The following KIF13B variants were observed in gnomAD, a reference collection of about 807,000 sequenced individuals.
KIF13B encodes kinesin-like protein KIF13B.
In KIF13B, 127 loss-of-function variants were observed where a neutral mutation model predicts 222.0. The ratio of observed to expected loss-of-function variants is 0.57; its 90% CI spans 0.50 to 0.66. The LOEUF (loss-of-function observed/expected upper bound fraction) is 0.66, where lower values mean the gene tolerates loss of function less well. Ranked by LOEUF, KIF13B falls within the 30% of genes least tolerant of loss-of-function variation. The pLI is 0.00. For synonymous variants in KIF13B, 976 were observed against 919.0 expected (o/e 1.06, Z -1.12); for missense variants, 2,173 against 2,379.0 (o/e 0.91, Z 1.80).
rs1234840182 is a variant in KIF13B, at chr8:29,140,481, T to C, written c.2471A>G (p.Asn824Ser). 5 of 1,613,480 alleles carry C rather than the reference T, an allele frequency of 3.1e-6. No individual in the cohort carries two copies. Among genetic ancestry groups the C allele is most frequent in the East Asian group, 4.5e-5 (2 of 44,892 alleles). Residue 824 changes from asparagine (N) to serine (S), a missense_variant, in exon 20 of 40, where the codon AAC becomes AGC. Physicochemically the swap from Asn to Ser is conservative, Grantham distance 46. This residue lies in a region of KIF13B where 1,480 missense variants were observed against 1,722.8 expected (regional missense o/e 0.86). Transcript: ENST00000524189. ...GAGAAAACCAACCTCTCCTTTCTGG[T>C]TGATGATGGGAACAGCGTATTGTAA... ...VKLQYAVPII[N>S]QKGEVAGRLH... is the part of the protein sequence containing the mutation.
chr8:29,253,985 G>A (rs1446646824), intron 1 of KIF13B, among the ~76,000 whole-genome samples: 1 of 152,096 alleles, frequency 6.6e-6, no homozygotes, highest in African/African-American at 2.4e-5. Context: ...ACTTACATAA[G>A]GAAAGACATA....
intron 2 of KIF13B, among the ~76,000 whole-genome samples, chr8:29,201,375 C>T (rs1390350717): frequency 3.9e-5 from 6 of 152,140 alleles, no homozygotes; most frequent in Admixed American, 3.3e-4. Context: ...TCACATCATA[C>T]AAAGAAATCA....
chr8:29,116,872 C>G lies in KIF13B; in HGVS notation c.3796G>C (p.Val1266Leu). 6.3e-7 allele frequency: 1 copy of G among 1,599,136 alleles called. No individual in the cohort carries two copies. The highest frequency in any genetic ancestry group is 2.3e-5 in the East Asian group (1 of 43,690). Residue 1266 changes from valine to leucine, a missense_variant, in exon 31 of 40, where the codon GTG (valine) becomes CTG (leucine). By Grantham distance (32) the Val-to-Leu change is conservative (BLOSUM62 1). Coordinates refer to ENST00000524189, the MANE Select transcript of KIF13B (RefSeq NM_015254.4). ...QLSHPADMQLVLRKRICVNVH... is the reference protein window; with the variant it reads ...QLSHPADMQLLLRKRICVNVH... Reference sequence around the variant, plus strand: ...TTGACACAGATTCTCTTGCGTAACACCAGTTGCATGTCAGCAGGGTGGCTG... The same window carrying G: ...TTGACACAGATTCTCTTGCGTAACAGCAGTTGCATGTCAGCAGGGTGGCTG...
chr8:29,181,269 C>T (rs978025692), intron 7 of KIF13B, among the ~76,000 whole-genome samples: 27 of 152,254 alleles, frequency 1.8e-4, no homozygotes, highest in African/African-American at 6.5e-4. Context: ...TTGGGGCCAC[C>T]ATACCAGCCC....
intron 35 of KIF13B, among the ~76,000 whole-genome samples, chr8:29,105,407 G>A (rs1252827115): frequency 6.6e-6 from 1 of 152,158 alleles, no homozygotes; most frequent in Non-Finnish European, 1.5e-5. Flanking sequence ...GTGGACCTCA[G>A]TGTCATCCTT....
Position 29,071,513 on chromosome 8 carries a change from C to T in KIF13B, c.5218+107G>A, listed in dbSNP as rs370765534. On this transcript the variant is annotated intron_variant, in intron 39 of 39. Coordinates refer to ENST00000524189, the MANE Select transcript of KIF13B (RefSeq NM_015254.4). The surrounding 1 kb of genome is among the most constrained non-coding windows in gnomAD (Gnocchi z 4.9). ...CAGCTTCAGCCAAGCCGCTGCCTCC[C>T]GGCCCCTCCCTCTCCTGCCCGGACC... 1.9e-3 allele frequency: 2,032 copies of T among 1,042,712 alleles called. 35 individuals are homozygous for T. The highest frequency in any genetic ancestry group is 0.019 in the South Asian group (1,370 of 71,150). The allele number at this position is 1,042,712 out of a possible 1,614,324, so 64.6% of individuals were successfully genotyped here.
intron 1 of KIF13B, among the ~76,000 whole-genome samples, chr8:29,251,148 C>A (rs1049044239): frequency 6.6e-6 from 1 of 151,438 alleles, no homozygotes; most frequent in African/African-American, 2.4e-5. Context: ...GAGACCCTGT[C>A]TGGAAGAAAA....
At chr8:29,140,683 G>A in intron 19 of KIF13B, 66 bp from the exon 20 acceptor site, 1 of 1,345,364 alleles carries the variant, frequency 7.4e-7, no homozygotes, top group Non-Finnish European at 1.0e-6. Context: ...TCAACCTACT[G>A]CTTTTTGATG....
chr8:29,167,248 T>A (rs147167164), intron 11 of KIF13B, 125 bp downstream of exon 11: 4 of 661,622 alleles, frequency 6.0e-6, no homozygotes, highest in Non-Finnish European at 5.3e-6. Flanking sequence ...AAAGTTCTCT[T>A]GCTGTAAGAA....
chr8:29,249,071 T>C (rs1230665151), intron 1 of KIF13B, among the ~76,000 whole-genome samples: 1 of 152,154 alleles, frequency 6.6e-6, no homozygotes, highest in Non-Finnish European at 1.5e-5. Context: ...CTCATATTCT[T>C]ATATTCTTAT....
In KIF13B at chr8:29,228,472, A is replaced by AAAATATATAGATATATAT; in HGVS notation, c.149+16873_149+16874insATATATATCTATATATTT. On this transcript the variant is annotated intron_variant, in intron 2 of 39. Coordinates refer to ENST00000524189, the MANE Select transcript of KIF13B (RefSeq NM_015254.4). ...ACAGAGCCAGACTCCATCTTAAAAA[A>AAAATATATAGATATATAT]ATATATATATATATATATGAGATAC... Among the ~76,000 whole-genome samples, 3 of 117,086 alleles carry AAAATATATAGATATATAT rather than the reference A, an allele frequency of 2.6e-5. 1 individual carries two copies. The highest frequency in any genetic ancestry group is 5.3e-5 in the Non-Finnish European group (3 of 56,656). 76.8% of individuals were successfully genotyped at this position (117,086 alleles called of 152,430 possible).
intron 37 of KIF13B, among the ~76,000 whole-genome samples, chr8:29,076,742 G>A (rs1315128126): frequency 3.3e-5 from 5 of 152,334 alleles, no homozygotes. Flanking sequence ...AAGGTAAGGG[G>A]GCACTGGCAG....
In KIF13B at chr8:29,118,932, G is replaced by T; in HGVS notation, c.3596C>A (p.Thr1199Asn). Residue 1199 changes from threonine to asparagine, a missense_variant, in exon 30 of 40, where the codon ACC becomes AAC. By Grantham distance (65) the Thr-to-Asn change is moderately conservative. This residue lies in a region of KIF13B where 1,480 missense variants were observed against 1,722.8 expected (regional missense o/e 0.86). Transcript: ENST00000524189. ...DDPEAGGWDATLTGEEEEEFF... is the reference protein window; with the variant it reads ...DDPEAGGWDANLTGEEEEEFF... ...CTCCTCTTCTTCTTCCCCAGTCAAG[G>T]TCGCATCCCATCCACCAGCTTCTGG... 6.2e-7 allele frequency: 1 copy of T among 1,613,836 alleles called. No homozygotes were observed. The highest frequency in any genetic ancestry group is 8.5e-7 in the Non-Finnish European group (1 of 1,179,814).
At chr8:29,261,704 C>T (rs764510779) in intron 1 of KIF13B, among the ~76,000 whole-genome samples, 19 of 152,056 alleles carry the variant, frequency 1.2e-4, no homozygotes, top group Non-Finnish European at 2.5e-4. Flanking sequence ...CAATCTTGCA[C>T]TAGTTGAGAA....
intron 6 of KIF13B, among the ~76,000 whole-genome samples, chr8:29,184,612 C>G (rs1005938540): frequency 1.1e-4 from 16 of 152,294 alleles, no homozygotes; most frequent in South Asian, 2.1e-4. Context: ...CTGTTAATTA[C>G]TGTAAGTAAT....
chr8:29,239,704 C>T (rs952253773), intron 2 of KIF13B, among the ~76,000 whole-genome samples: 4 of 152,152 alleles, frequency 2.6e-5, no homozygotes, highest in Non-Finnish European at 5.9e-5. Flanking sequence ...ACTCTATCGC[C>T]CAAGTTGGAG....
intron 35 of KIF13B, among the ~76,000 whole-genome samples, chr8:29,100,674 T>C (rs377301740): frequency 1.3e-5 from 2 of 152,144 alleles, no homozygotes; most frequent in South Asian, 2.1e-4. Context: ...GGTCTCGAAC[T>C]CCTGACCTCA....
At chr8:29,179,363 C>T (rs970748492) in intron 8 of KIF13B, among the ~76,000 whole-genome samples, 1 of 152,216 alleles carries the variant, frequency 6.6e-6, no homozygotes, top group Non-Finnish European at 1.5e-5. Context: ...GCAATCCTCC[C>T]GCCTTGGCCT....
intron 36 of KIF13B, among the ~76,000 whole-genome samples, chr8:29,093,128 G>T (rs1808375053): frequency 6.6e-6 from 1 of 151,828 alleles, no homozygotes; most frequent in South Asian, 2.1e-4. Flanking sequence ...GTTCCTATCA[G>T]CATCAGAACA....
Sources: gnomAD v4.1 joint callset for allele counts (sites outside exome capture counted in the v4.1 genomes callset) on GRCh38, gnomAD v4.1.1 for gene constraint, gnomAD v4.1.1 regional missense constraint, Gnocchi (gnomAD v3.1) non-coding constraint, MANE v1.5 for transcripts, NCBI Gene and HGNC (gene_info 2026-07-23, HGNC 2026-07-21) for gene names.